SETX: variants seen among roughly 807,000 people sequenced by gnomAD.
SETX encodes the protein senataxin.
Under a neutral mutation model 227.2 loss-of-function variants are expected in SETX, and 90 were observed. The ratio of observed to expected loss-of-function variants is 0.40; its 90% CI spans 0.33 to 0.47. SETX has a LOEUF of 0.47. Among genes scored for constraint, SETX ranks in the 20% least tolerant of loss-of-function variants. SETX has a pLI of 0.91. For synonymous variants in SETX, 1,210 were observed against 1,113.2 expected (o/e 1.09, Z -1.73); for missense variants, 3,052 against 3,181.5 (o/e 0.96, Z 0.98).
At chr9:132,280,321 T>C (rs956097958) in intron 20 of SETX, among the ~76,000 whole-genome samples, 5 of 152,194 alleles carry the variant, frequency 3.3e-5, no homozygotes, top group African/African-American at 9.7e-5. Flanking sequence ...TTATCAATCA[T>C]TGAAGTAGGC....
At chr9:132,333,591 C>A (rs544212925) in intron 7 of SETX, among the ~76,000 whole-genome samples, 1 of 151,770 alleles carries the variant, frequency 6.6e-6, no homozygotes, top group Non-Finnish European at 1.5e-5. Context: ...CTCATAGGAT[C>A]TGGTATACTT....
chr9:132,331,587 C>T (rs1327411568), intron 7 of SETX, 139 bp from the exon 8 acceptor site: 3 of 901,782 alleles, frequency 3.3e-6, no homozygotes, highest in South Asian at 1.5e-5. Flanking sequence ...TAAAGCAGTG[C>T]CGCCACCAGT....
chr9:132,290,935 C>G (rs1844260434), intron 15 of SETX, among the ~76,000 whole-genome samples: 1 of 146,442 alleles, frequency 6.8e-6, no homozygotes, highest in Non-Finnish European at 1.5e-5. Flanking sequence ...TCTAATTGGA[C>G]ACGTCACAGT....
chr9:132,300,300 G>C (rs1042750621), intron 12 of SETX, among the ~76,000 whole-genome samples: 2 of 152,084 alleles, frequency 1.3e-5, no homozygotes, highest in Non-Finnish European at 2.9e-5. Flanking sequence ...TTTATGTTTG[G>C]TCATCTCATT....
chr9:132,303,040 T>C (rs1188314639), intron 11 of SETX, among the ~76,000 whole-genome samples: 3 of 152,128 alleles, frequency 2.0e-5, no homozygotes, highest in East Asian at 1.9e-4. Context: ...TTTTTAGAGA[T>C]TGGGTCTTGT....
At chr9:132,295,261 A>G (rs1844602460) in intron 15 of SETX, among the ~76,000 whole-genome samples, 1 of 152,222 alleles carries the variant, frequency 6.6e-6, no homozygotes, top group African/African-American at 2.4e-5. Flanking sequence ...CCTATAAAAT[A>G]CAGATGGTAG....
chr9:132,349,120 C>CA (rs1234109972), intron 3 of SETX, 132 bp downstream of exon 3: 4 of 949,974 alleles, frequency 4.2e-6, no homozygotes, highest in African/African-American at 3.4e-5. Flanking sequence ...AAAAACAAAA[C>CA]AAAAACAAAA....
At chr9:132,338,855 T>A (rs1847795593) in intron 5 of SETX, among the ~76,000 whole-genome samples, 1 of 152,144 alleles carries the variant, frequency 6.6e-6, no homozygotes, top group Non-Finnish European at 1.5e-5. Flanking sequence ...CCTCCTGGGC[T>A]CAAGTGATCC....
chr9:132,302,681 C>CAAAAAAAAAAA (rs57673567), intron 11 of SETX, among the ~76,000 whole-genome samples: 4 of 78,480 alleles, frequency 5.1e-5, no homozygotes, highest in South Asian at 3.9e-4. Flanking sequence ...AAAAAAAAAG[C>CAAAAAAAAAAA]AAAAAAAAAA....
chr9:132,284,158 C>T (rs558803313), intron 18 of SETX, among the ~76,000 whole-genome samples: 1 of 152,346 alleles, frequency 6.6e-6, no homozygotes, highest in African/African-American at 2.4e-5. Context: ...CTCCACGGCT[C>T]ACACAGTAAA....
Position 132,329,387 on chromosome 9 carries a change from G to A in SETX, c.2211C>T (p.Asp737=). The change falls in exon 10 of 26, where the codon GAC becomes GAT. Residue 737 remains aspartate (D), a synonymous_variant. Transcript: ENST00000224140. ...AACGTGTTGATACTATTATTCCTCT[G>A]TCACATCCCCTTTCTGGACCATTTC... ...TSRNGPERGC[D]RGIIVSTRLL... The A allele has an allele frequency of 6.2e-7, 1 of 1,613,890 alleles. No individual in the cohort carries two copies. Among genetic ancestry groups the A allele is most frequent in the Non-Finnish European group, 8.5e-7 (1 of 1,179,962 alleles).
At position 132,279,226 on chromosome 9, in the gene SETX, C is replaced by T. The variant is rs774201785; in HGVS notation, c.6655-969G>A. Among the ~76,000 whole-genome samples, 87 of 152,152 alleles carry T rather than the reference C, an allele frequency of 5.7e-4. 1 individual carries two copies. Among genetic ancestry groups the T allele is most frequent in the Admixed American group, 8.5e-4 (13 of 15,282 alleles). ...CTGTCTTGATGTTACCACAGTTGTG[C>T]CTTGGGATCTACTTTCCGATGGCAG... On this transcript the variant is annotated intron_variant, in intron 20 of 25. Transcript: ENST00000224140.
chr9:132,317,632 CTT>C (rs528921561), intron 10 of SETX, among the ~76,000 whole-genome samples: 1 of 144,956 alleles, frequency 6.9e-6, no homozygotes. Flanking sequence ...TATCATTTTC[CTT>C]TTTTTTTTTA....
intron 10 of SETX, among the ~76,000 whole-genome samples, chr9:132,316,836 C>T (rs1258951251): frequency 1.3e-5 from 2 of 152,216 alleles, no homozygotes; most frequent in Admixed American, 1.3e-4. Context: ...GGCTTTGAAA[C>T]AGCTTCGTAG....
At chr9:132,310,897 TTTC>T (rs1307995045) in intron 11 of SETX, among the ~76,000 whole-genome samples, 4 of 152,232 alleles carry the variant, frequency 2.6e-5, no homozygotes, top group African/African-American at 4.8e-5. Flanking sequence ...ATGATTTTAG[TTTC>T]TTTTCTTTAG....
chr9:132,334,801 A>C, intron 6 of SETX, 74 bp from the exon 7 acceptor site: 1 of 1,519,838 alleles, frequency 6.6e-7, no homozygotes, highest in Non-Finnish European at 9.1e-7. Context: ...TTTGCAAAAG[A>C]ATAACAAGGC....
upstream of SETX, among the ~76,000 whole-genome samples, chr9:132,355,360 A>G (rs1251618434): frequency 6.6e-6 from 1 of 151,634 alleles, no homozygotes; most frequent in Non-Finnish European, 1.5e-5. Context: ...TCTTTTTTCC[A>G]CGCCTCAGGT....
intron 25 of SETX, among the ~76,000 whole-genome samples, chr9:132,267,122 T>C (rs1192904890): frequency 6.6e-6 from 1 of 152,136 alleles, no homozygotes; most frequent in African/African-American, 2.4e-5. Flanking sequence ...CATAAAATAG[T>C]GGTGTATATT....
chr9:132,312,794 T>C (rs1845741556), intron 10 of SETX, among the ~76,000 whole-genome samples: 1 of 152,266 alleles, frequency 6.6e-6, no homozygotes, highest in Non-Finnish European at 1.5e-5. Context: ...GTGCATTTTA[T>C]GTTCACAGCA....
Sources: allele counts gnomAD v4.1 joint callset (sites outside exome capture counted in the v4.1 genomes callset), GRCh38; gene constraint gnomAD v4.1.1; transcripts MANE v1.5; gene names NCBI Gene and HGNC (gene_info 2026-07-23, HGNC 2026-07-21).